CFAP61: variants seen among roughly 807,000 people sequenced by gnomAD.
The protein encoded by CFAP61 is cilia and flagella associated protein 61.
CFAP61 carries 107 observed loss-of-function variants against 135.6 expected under a neutral mutation model. The ratio of observed to expected loss-of-function variants is 0.79; its 90% CI spans 0.67 to 0.93. The LOEUF (loss-of-function observed/expected upper bound fraction) is 0.93. Among genes scored for constraint, CFAP61 ranks in the 40% least tolerant of loss-of-function variants. The pLI is 0.00. For missense variants in CFAP61, 1,507 were observed against 1,556.2 expected (o/e 0.97, Z 0.53); for synonymous variants, 575 against 578.5 (o/e 0.99, Z 0.09).
At chr20:20,197,785 GT>G (rs529203484) in intron 16 of CFAP61, among the ~76,000 whole-genome samples, 92 of 152,272 alleles carry the variant, frequency 6.0e-4, no homozygotes, top group Admixed American at 3.8e-3. Flanking sequence ...AGACTTGGGG[GT>G]GAAGGGATTC....
rs377728139 is a variant in CFAP61 at position 20,193,895 on chromosome 20, T to C, written c.1590+2476T>C. 2.0e-5 allele frequency among the ~76,000 whole-genome samples: 3 copies of C among 152,342 alleles called. No individual in the cohort carries two copies. The East Asian group carries it at 5.8e-4, about 29-fold the overall frequency. On this transcript the variant is annotated intron_variant, in intron 15 of 26. Transcript: ENST00000245957. ...TCCCAAAGTGCTGGGATTACAGGCATCAGCCCCCTGCGCCAGCCTCATTCT... is the reference window on the plus strand; with the variant it reads ...TCCCAAAGTGCTGGGATTACAGGCACCAGCCCCCTGCGCCAGCCTCATTCT...
intron 23 of CFAP61, 80 bp downstream of exon 23, chr20:20,289,016 C>T: frequency 8.5e-7 from 1 of 1,177,754 alleles, no homozygotes; most frequent in Non-Finnish European, 1.2e-6. Flanking sequence ...CTCCAGGTTT[C>T]TCTTAGGCTT....
intron 20 of CFAP61, chr20:20,259,601 A>C (rs995996842): frequency 4.6e-5 from 7 of 151,916 alleles, no homozygotes; most frequent in African/African-American, 1.7e-4. Flanking sequence ...TGTGGTTTCC[A>C]TTCTCAGCAT....
rs755276772 is a variant in CFAP61 at position 20,263,141 on chromosome 20, C to A, written c.2503+11C>A. 1 of 1,601,714 alleles carries A rather than the reference C, an allele frequency of 6.2e-7. No individual in the cohort carries two copies. The highest frequency in any genetic ancestry group is 8.5e-7 in the Non-Finnish European group (1 of 1,171,520). On this transcript the variant is annotated intron_variant, in intron 21 of 26. Transcript: ENST00000245957. ...CCATCACCACAGAAGGTAAGGATGT[C>A]GGTAACTGTGCATCTCTTCAGAATA... is the stretch of plus-strand genomic sequence containing the variant.
At chr20:20,105,058 A>G (rs143856666) in intron 8 of CFAP61, among the ~76,000 whole-genome samples, 27 of 152,164 alleles carry the variant, frequency 1.8e-4, no homozygotes, top group African/African-American at 5.5e-4. Context: ...GAGAGGCTCT[A>G]TGGTATCGTA....
At chr20:20,163,671 G>C (rs1601090359) in intron 10 of CFAP61, among the ~76,000 whole-genome samples, 2 of 151,608 alleles carry the variant, frequency 1.3e-5, no homozygotes, top group East Asian at 1.9e-4. Context: ...TGTTACCTAG[G>C]TATACATGTG....
At chr20:20,262,399 C>T (rs1001592005) in intron 20 of CFAP61, among the ~76,000 whole-genome samples, 5 of 152,188 alleles carry the variant, frequency 3.3e-5, no homozygotes, top group Non-Finnish European at 7.4e-5. Flanking sequence ...ATGGAGAGGC[C>T]ACATGTAGGT....
At chr20:20,288,182 T>C (rs2054731992) in intron 22 of CFAP61, among the ~76,000 whole-genome samples, 1 of 152,058 alleles carries the variant, frequency 6.6e-6, no homozygotes, top group Non-Finnish European at 1.5e-5. Context: ...GAAGACTGGA[T>C]GAGATCAACC....
At chr20:20,291,709 G>T (rs1006931378) in intron 24 of CFAP61, among the ~76,000 whole-genome samples, 3 of 152,172 alleles carry the variant, frequency 2.0e-5, no homozygotes, top group Non-Finnish European at 4.4e-5. Flanking sequence ...CTCCCCTCCA[G>T]GAAAAGCAGA....
intron 26 of CFAP61, among the ~76,000 whole-genome samples, chr20:20,348,819 G>A (rs1325821391): frequency 1.5e-5 from 2 of 136,768 alleles, no homozygotes; most frequent in Admixed American, 7.4e-5. Context: ...AAAACAAACT[G>A]TCAATAGAAG....
chr20:20,139,301 C>A (rs1335145398), intron 8 of CFAP61, among the ~76,000 whole-genome samples: 1 of 152,136 alleles, frequency 6.6e-6, no homozygotes, highest in African/African-American at 2.4e-5. Flanking sequence ...TGTGCCTTGG[C>A]GGAGCCTGTG....
At chr20:20,139,491 C>T (rs2051199058) in intron 8 of CFAP61, among the ~76,000 whole-genome samples, 1 of 152,222 alleles carries the variant, frequency 6.6e-6, no homozygotes, top group Non-Finnish European at 1.5e-5. Flanking sequence ...ACAATTAAAT[C>T]GCGCAGCTTC....
intron 25 of CFAP61, among the ~76,000 whole-genome samples, chr20:20,338,974 TA>T (rs2058338177): frequency 6.6e-6 from 1 of 152,242 alleles, no homozygotes; most frequent in South Asian, 2.1e-4. Context: ...TCCTCCCAGA[TA>T]AACCAGGCTG....
chr20:20,309,890 C>T (rs1449796377), intron 25 of CFAP61, among the ~76,000 whole-genome samples: 4 of 152,160 alleles, frequency 2.6e-5, no homozygotes, highest in Non-Finnish European at 5.9e-5. Context: ...GCATGGGTGC[C>T]CTCTTGGGTC....
intron 8 of CFAP61, among the ~76,000 whole-genome samples, chr20:20,120,930 T>C (rs2049564445): frequency 6.6e-6 from 1 of 152,176 alleles, no homozygotes; most frequent in Non-Finnish European, 1.5e-5. Context: ...TTTCATCTGA[T>C]ATTAATATAG....
chr20:20,173,745 G>A (rs575568378), intron 13 of CFAP61, among the ~76,000 whole-genome samples: 51 of 151,984 alleles, frequency 3.4e-4, no homozygotes, highest in Admixed American at 6.6e-4. Flanking sequence ...TTTATACTCC[G>A]CATTCCTAAA....
chr20:20,253,573 T>C, intron 20 of CFAP61: 4 of 493,808 alleles, frequency 8.1e-6, no homozygotes, highest in Non-Finnish European at 1.6e-5. Context: ...TTTTTAAGCA[T>C]GTGCAGCAAA....
At chr20:20,140,519 T>C (rs1468762435) in intron 8 of CFAP61, among the ~76,000 whole-genome samples, 1 of 152,076 alleles carries the variant, frequency 6.6e-6, no homozygotes, top group East Asian at 1.9e-4. Flanking sequence ...ACAAAGGACA[T>C]GAACTCATCC....
intron 12 of CFAP61, 52 bp from the exon 13 acceptor site, chr20:20,169,269 T>A (rs2054049127): frequency 1.9e-6 from 3 of 1,543,174 alleles, no homozygotes; most frequent in Non-Finnish European, 2.6e-6. Flanking sequence ...AATTTGTTTT[T>A]TGATTAATTT....
Sources: gnomAD v4.1 joint callset for allele counts (sites outside exome capture counted in the v4.1 genomes callset) on GRCh38, gnomAD v4.1.1 for gene constraint, MANE v1.5 for transcripts, NCBI Gene and HGNC (gene_info 2026-07-23, HGNC 2026-07-21) for gene names.